Variants in USP54 observed in about 807,000 individuals in gnomAD.
The protein encoded by USP54 is ubiquitin carboxyl-terminal hydrolase 54.
Under a neutral mutation model 170.5 loss-of-function variants are expected in USP54, and 87 were observed. The observed-to-expected ratio is 0.51, with a 90% CI of 0.43 to 0.61. USP54 has a LOEUF of 0.61. USP54 is among the 20% of genes least tolerant of loss of function. The pLI, the probability that USP54 is intolerant of heterozygous loss-of-function variation, is 0.00. For synonymous variants in USP54, 655 were observed against 742.8 expected (o/e 0.88, Z 1.92); for missense variants, 1,786 against 2,047.8 (o/e 0.87, Z 2.47).
chr10:73,602,810 C>T (rs186949237), intron 1 of USP54, among the ~76,000 whole-genome samples: 364 of 139,926 alleles, frequency 2.6e-3, no homozygotes, highest in Non-Finnish European at 4.0e-3. Flanking sequence ...GAGCTGAGAT[C>T]GCACCACTGC....
chr10:73,564,214 T>C (rs1199471070), intron 4 of USP54, among the ~76,000 whole-genome samples: 1 of 152,172 alleles, frequency 6.6e-6, no homozygotes, highest in Non-Finnish European at 1.5e-5. Context: ...TTGCCTAGGC[T>C]AGTCTCAAAC....
At chr10:73,513,020 G>A (rs372029722) in intron 20 of USP54, among the ~76,000 whole-genome samples, 4 of 149,764 alleles carry the variant, frequency 2.7e-5, no homozygotes, top group African/African-American at 9.8e-5. Flanking sequence ...ATGAGACCCT[G>A]TCTCAAAAAT....
intron 17 of USP54, among the ~76,000 whole-genome samples, chr10:73,522,540 G>A (rs1236725946): frequency 6.6e-6 from 1 of 152,330 alleles, no homozygotes; most frequent in Non-Finnish European, 1.5e-5. Context: ...AGAAAAAAAG[G>A]AGAGAAATGA....
chr10:73,512,962 C>A (rs949619648), intron 20 of USP54, among the ~76,000 whole-genome samples: 1 of 151,658 alleles, frequency 6.6e-6, no homozygotes, highest in African/African-American at 2.4e-5. Flanking sequence ...AAGGTCAAGG[C>A]TACAGTGAGC....
intron 4 of USP54, among the ~76,000 whole-genome samples, chr10:73,563,593 A>C (rs927886786): frequency 1.3e-5 from 2 of 152,026 alleles, no homozygotes; most frequent in African/African-American, 4.8e-5. Context: ...ATGCACCACC[A>C]CGCCCAGCTA....
At chr10:73,566,078 A>G (rs554489105) in intron 4 of USP54, among the ~76,000 whole-genome samples, 1 of 152,210 alleles carries the variant, frequency 6.6e-6, no homozygotes, top group East Asian at 1.9e-4. Flanking sequence ...TAAAAATACA[A>G]AATTAGCCGG....
At chr10:73,534,475 T>A (rs1227934849) in intron 12 of USP54, 125 bp downstream of exon 12, 2 of 1,159,968 alleles carry the variant, frequency 1.7e-6, no homozygotes, top group African/African-American at 3.1e-5. Flanking sequence ...GCCGCCCGCC[T>A]CGGCCTCCCA....
intron 2 of USP54, 51 bp from the exon 3 acceptor site, chr10:73,575,726 CT>C (rs1291573164): frequency 1.4e-5 from 21 of 1,483,972 alleles, no homozygotes; most frequent in Non-Finnish European, 1.8e-5. Context: ...GAATTTCTGT[CT>C]GCTAAAGTTC....
chr10:73,623,548 G>A (rs2081253953), intron 1 of USP54, among the ~76,000 whole-genome samples: 2 of 152,288 alleles, frequency 1.3e-5, no homozygotes, highest in South Asian at 4.1e-4. Context: ...CTGTTCAGGA[G>A]ACAGAGGTAC....
chr10:73,589,329 T>C (rs1169594957), intron 1 of USP54, among the ~76,000 whole-genome samples: 1 of 152,186 alleles, frequency 6.6e-6, no homozygotes, highest in African/African-American at 2.4e-5. Flanking sequence ...AGAAAGATAC[T>C]CTATTTTATG....
intron 15 of USP54, chr10:73,529,398 C>G: frequency 2.3e-6 from 1 of 431,688 alleles, no homozygotes; most frequent in Non-Finnish European, 4.3e-6. Context: ...ACTCCTATGA[C>G]ACAAGTTTAT....
At chr10:73,518,239 C>T (rs1158532802) in intron 19 of USP54, 11 of 985,256 alleles carry the variant, frequency 1.1e-5, no homozygotes, top group African/African-American at 5.2e-5. Flanking sequence ...GCCACATTTA[C>T]AAAATACAGG....
chr10:73,515,826 A>G (rs1589930610), intron 20 of USP54: 1 of 134,164 alleles, frequency 7.5e-6, no homozygotes, highest in Non-Finnish European at 1.5e-5. Flanking sequence ...TCTGTTACCC[A>G]GGTTGGAGTG....
At chr10:73,596,462 G>T (rs1352629158) in intron 1 of USP54, among the ~76,000 whole-genome samples, 2 of 151,990 alleles carry the variant, frequency 1.3e-5, no homozygotes, top group African/African-American at 4.8e-5. Flanking sequence ...GGGAGGCTGA[G>T]GCAGGAGAAT....
rs753381200 is a variant in USP54, at chr10:73,541,380, C to T, written c.820G>A (p.Gly274Ser). 5.0e-6 allele frequency: 8 copies of T among 1,614,014 alleles called. No homozygotes were observed. The highest frequency in any genetic ancestry group is 6.8e-6 in the Non-Finnish European group (8 of 1,179,980). ...IHSLGTCLKL[G>S]DLFFRVTDDR... ...TAAAGGTAACTAACACGCACATCAC[C>T]CAGCTTAAGGCAGGTTCCCAGGCTG... Residue 274 changes from glycine to serine, a missense_variant, in exon 9 of 24, where the codon GGT (glycine) becomes AGT (serine). Physicochemically the swap from Gly to Ser is moderately conservative, Grantham distance 56. Around this residue, in one of 3 missense-constraint regions of USP54, gnomAD observed 361 missense variants for 455.0 expected, o/e 0.79. Coordinates refer to ENST00000687698, the MANE Select transcript of USP54 (RefSeq NM_001391956.1).
chr10:73,533,238 G>A (rs2064413141), intron 12 of USP54, among the ~76,000 whole-genome samples: 1 of 152,002 alleles, frequency 6.6e-6, no homozygotes, highest in Non-Finnish European at 1.5e-5. Context: ...CCTGGGAGGT[G>A]GAGATTGCAG....
chr10:73,548,138 C>T (rs1469971176), intron 4 of USP54, among the ~76,000 whole-genome samples: 12 of 152,116 alleles, frequency 7.9e-5, no homozygotes, highest in Non-Finnish European at 1.5e-4. Flanking sequence ...AAATGCTCAT[C>T]GTCACTGGTC....
intron 10 of USP54, among the ~76,000 whole-genome samples, chr10:73,537,237 T>C (rs1053924581): frequency 3.3e-5 from 5 of 152,228 alleles, no homozygotes. Flanking sequence ...AATATAATCA[T>C]ATTTACTACT....
chr10:73,584,783 G>A (rs555487388), intron 1 of USP54, among the ~76,000 whole-genome samples: 58 of 152,214 alleles, frequency 3.8e-4, no homozygotes, highest in African/African-American at 1.3e-3. Context: ...ATTGAGACCC[G>A]TAATATCCTA....
Sources: allele counts gnomAD v4.1 joint callset (sites outside exome capture counted in the v4.1 genomes callset), GRCh38; gene constraint gnomAD v4.1.1; regional missense constraint gnomAD v4.1.1; transcripts MANE v1.5; gene names NCBI Gene and HGNC (gene_info 2026-07-23, HGNC 2026-07-21).